The following MYSM1 variants were observed in gnomAD, a reference collection of about 807,000 sequenced individuals.
MYSM1 encodes the protein Myb like, SWIRM and MPN domains 1, also known as deubiquitinase MYSM1.
MYSM1 carries 51 observed loss-of-function variants against 116.0 expected under a neutral mutation model. The ratio of observed to expected loss-of-function variants is 0.44; its 90% confidence interval spans 0.35 to 0.56. The LOEUF (loss-of-function observed/expected upper bound fraction) is 0.56, where lower values mean the gene tolerates loss of function less well. Ranked by LOEUF, MYSM1 falls within the 20% of genes least tolerant of loss-of-function variation. The probability of loss-of-function intolerance (pLI) is 0.00; values close to 1 mark genes in which losing one functional copy is unlikely to be tolerated. For synonymous variants in MYSM1, 313 were observed against 315.2 expected (o/e 0.99, Z 0.07); for missense variants, 900 against 974.9 (o/e 0.92, Z 1.02).
intron 8 of MYSM1, among the ~76,000 whole-genome samples, chr1:58,678,068 C>T (rs1443330386): frequency 2.0e-5 from 3 of 152,106 alleles, no homozygotes; most frequent in Non-Finnish European, 4.4e-5. Flanking sequence ...ATGGGAGGGA[C>T]TGTCAATAAT....
intron 2 of MYSM1, among the ~76,000 whole-genome samples, chr1:58,693,566 G>A (rs1441389996): frequency 1.3e-5 from 2 of 152,082 alleles, no homozygotes; most frequent in East Asian, 3.8e-4. Flanking sequence ...AGAAATTCAG[G>A]AATCATTGTG....
At chr1:58,661,828 A>C (rs1332859218) in intron 17 of MYSM1, among the ~76,000 whole-genome samples, 2 of 152,096 alleles carry the variant, frequency 1.3e-5, no homozygotes, top group Non-Finnish European at 2.9e-5. Flanking sequence ...GAATGAAAGA[A>C]GGTACTATTA....
intron 1 of MYSM1, among the ~76,000 whole-genome samples, chr1:58,695,723 A>C (rs1314575425): frequency 6.6e-6 from 1 of 152,176 alleles, no homozygotes; most frequent in East Asian, 1.9e-4. Flanking sequence ...CAGTACAGTG[A>C]ATAGATAAGA....
intron 10 of MYSM1, among the ~76,000 whole-genome samples, chr1:58,674,363 T>C (rs1054550295): frequency 6.6e-6 from 1 of 152,168 alleles, no homozygotes; most frequent in Non-Finnish European, 1.5e-5. Context: ...GTTGACTACA[T>C]TATTAAAATC....
At chr1:58,674,206 C>A (rs1239007261) in intron 10 of MYSM1, among the ~76,000 whole-genome samples, 1 of 152,118 alleles carries the variant, frequency 6.6e-6, no homozygotes, top group East Asian at 1.9e-4. Context: ...AAGAAAATGG[C>A]TTCCTTTTCA....
chr1:58,671,627 C>T (rs1344316982), intron 12 of MYSM1, among the ~76,000 whole-genome samples: 1 of 152,092 alleles, frequency 6.6e-6, no homozygotes, highest in African/African-American at 2.4e-5. Flanking sequence ...ACCAACCTGT[C>T]CTAAACAGGG....
At chr1:58,692,805 TTA>T (rs1644921049) in intron 3 of MYSM1, 54 bp downstream of exon 3, 1 of 1,400,932 alleles carries the variant, frequency 7.1e-7, no homozygotes, top group Admixed American at 2.1e-5. Context: ...AATTTTGCAT[TTA>T]TAGATTTTTT....
At chr1:58,664,787 T>C (rs1418211277) in intron 17 of MYSM1, among the ~76,000 whole-genome samples, 1 of 152,184 alleles carries the variant, frequency 6.6e-6, no homozygotes, top group Non-Finnish European at 1.5e-5. Flanking sequence ...AAGAGTACAA[T>C]GTGGGGTAAC....
At chr1:58,687,633 GACAA>G (rs752339801) in intron 6 of MYSM1, among the ~76,000 whole-genome samples, 108 of 152,162 alleles carry the variant, frequency 7.1e-4, no homozygotes, top group Non-Finnish European at 1.0e-3. Context: ...CTGACTACAA[GACAA>G]ACAAAGGCCC....
At chr1:58,686,168 T>A (rs1365694489) in intron 6 of MYSM1, among the ~76,000 whole-genome samples, 1 of 151,494 alleles carries the variant, frequency 6.6e-6, no homozygotes, top group Non-Finnish European at 1.5e-5. Flanking sequence ...ACCTCCCACA[T>A]CCAGGTGTCA....
chr1:58,684,807 C>T (rs542574436), intron 7 of MYSM1, among the ~76,000 whole-genome samples: 5 of 152,036 alleles, frequency 3.3e-5, no homozygotes, highest in Non-Finnish European at 4.4e-5. Flanking sequence ...AAAGTTTCTA[C>T]AACACAAATA....
intron 9 of MYSM1, chr1:58,676,690 T>C: frequency 3.6e-6 from 1 of 278,284 alleles, no homozygotes; most frequent in South Asian, 4.6e-5. Context: ...TTATTTCTAT[T>C]ACTTAGATTG....
In MYSM1 at chr1:58,667,836, A is replaced by G; in HGVS notation, c.1842+11T>C. The stretch of plus-strand genomic sequence containing the variant: ...AATAACTAAAACATTTTTTTAAAAG[A>G]GAGAACTTACTTCAACTACTTTATC... On this transcript the variant is annotated intron_variant, in intron 15 of 19. Coordinates refer to ENST00000472487, the MANE Select transcript of MYSM1 (RefSeq NM_001085487.3). 6.5e-7 allele frequency: 1 copy of G among 1,542,212 alleles called. No individual in the cohort carries two copies. Among genetic ancestry groups the G allele is most frequent in the Non-Finnish European group, 9.0e-7 (1 of 1,115,044 alleles).
rs949856898 is a variant in MYSM1 at position 58,667,868 on chromosome 1, T to G, written c.1821A>C (p.Ser607=). ...TTACTTCAACTACTTTATCAACTTC[T>G]GAGTATCTTCCTCCTAACAGACCAA... The part of the protein sequence containing the change: ...EVIGLLGGRY[S]EVDKVVEVCA... Residue 607 remains serine (S), a synonymous_variant, in exon 15 of 20, where the codon TCA becomes TCC. Coordinates refer to ENST00000472487, the MANE Select transcript of MYSM1 (RefSeq NM_001085487.3). 6.2e-7 allele frequency: 1 copy of G among 1,610,554 alleles called. No homozygotes were observed. The highest frequency in any genetic ancestry group is 8.5e-7 in the Non-Finnish European group (1 of 1,176,776).
Position 58,667,728 on chromosome 1 carries a change from T to C in MYSM1, c.1842+119A>G, listed in dbSNP as rs1374843283. 21 of 644,808 alleles carry C rather than the reference T, an allele frequency of 3.3e-5. No homozygotes were observed. In the Admixed American group the frequency reaches 5.2e-4, roughly 16 times the overall value. The allele number at this position is 644,808 out of a possible 1,614,324, so 39.9% of individuals were successfully genotyped here. A position where few individuals can be genotyped will look rare whatever the true frequency, so the allele number is the denominator to read the frequency against. On this transcript the variant is annotated intron_variant, in intron 15 of 19. Transcript: ENST00000472487. ...TATATAACTTGCTACATTTGCATAT[T>C]CTCATATATATCATAGGTAAAGTCT...
At chr1:58,666,603 T>C (rs1644474011) in intron 16 of MYSM1, among the ~76,000 whole-genome samples, 1 of 134,422 alleles carries the variant, frequency 7.4e-6, no homozygotes, top group African/African-American at 2.8e-5. Flanking sequence ...CTGGGTGTGG[T>C]GGCTCATGCC....
Position 58,698,102 on chromosome 1 carries a change from A to ATATATATATATATATATTTTTTTTTT in MYSM1, c.68+1882_68+1883insAAAAAAAAAATATATATATATATATA. On this transcript the variant is annotated intron_variant, in intron 1 of 19. Transcript: ENST00000472487. ...TATCAGACTATATATATATATATAT[A>ATATATATATATATATATTTTTTTTTT]TTTTTTTTTTTTTTTTGAGACAGAG... Among the ~76,000 whole-genome samples, 6 of 7,768 alleles carry ATATATATATATATATATTTTTTTTTT rather than the reference A, an allele frequency of 7.7e-4. 1 individual carries two copies. The highest frequency in any genetic ancestry group is 2.2e-3 in the Non-Finnish European group (6 of 2,756). The allele number at this position is 7,768 out of a possible 152,430, so 5.1% of individuals were successfully genotyped here.
In MYSM1 at chr1:58,659,729, T is replaced by C. The variant is rs963909256; in HGVS notation, c.*268A>G. The C allele has an allele frequency of 2.1e-5, 5 of 240,510 alleles. No homozygotes were observed. Among genetic ancestry groups the C allele is most frequent in the Non-Finnish European group, 3.9e-5 (5 of 126,796 alleles). 14.9% of individuals were successfully genotyped at this position (240,510 alleles called of 1,614,324 possible). A position where few individuals can be genotyped will look rare whatever the true frequency, so the allele number is the denominator to read the frequency against. On this transcript the variant is annotated 3_prime_UTR_variant, in exon 20 of 20. Transcript: ENST00000472487. ...GAACACAACAGTAAAGCCGACCAGG[T>C]TGCTTAGTTTCACAGCCTACAGCAT...
rs903768189 is a variant in MYSM1 at position 58,677,279 on chromosome 1, A to C, written c.1260-223T>G. Among the ~76,000 whole-genome samples, 4 of 152,152 alleles carry C rather than the reference A, an allele frequency of 2.6e-5. No individual in the cohort carries two copies. In the South Asian group the frequency reaches 8.3e-4, roughly 31 times the overall value. ...CTTATTAGCATAATTTTTTACAAGC[A>C]ATATTTCTTCCCCAATGTTAAATTC... On this transcript the variant is annotated intron_variant, in intron 8 of 19. Transcript: ENST00000472487.
Sources: gnomAD v4.1 joint callset for allele counts (sites outside exome capture counted in the v4.1 genomes callset) on GRCh38, gnomAD v4.1.1 for gene constraint, MANE v1.5 for transcripts, NCBI Gene and HGNC (gene_info 2026-07-23, HGNC 2026-07-21) for gene names.